SPATA4: variants seen among roughly 807,000 people sequenced by gnomAD.
SPATA4 encodes the protein spermatogenesis associated 4.
In SPATA4, 35 loss-of-function variants were observed where a neutral mutation model predicts 31.8. The observed-to-expected ratio is 1.10, with a 90% CI of 0.84 to 1.46. The LOEUF (loss-of-function observed/expected upper bound fraction) is 1.46. Among genes scored for constraint, SPATA4 ranks in the 40% most tolerant of loss-of-function variants. SPATA4 has a pLI of 0.00. For synonymous variants in SPATA4, 126 were observed against 132.4 expected (o/e 0.95, Z 0.33); for missense variants, 394 against 363.1 (o/e 1.09, Z -0.69).
chr4:176,192,554 A>T, intron 4 of SPATA4, 73 bp downstream of exon 4: 1 of 1,317,444 alleles, frequency 7.6e-7, no homozygotes, highest in African/African-American at 1.5e-5. Flanking sequence ...CAGTGCCGAC[A>T]TTTCTTTCAT....
chr4:176,193,534 G>T lies in SPATA4; in HGVS notation c.267C>A (p.Tyr89Ter). ...AGGATGATAATTCAAGTTCCCAGGGGTAATATATACAGAATATTTCTGCAA... is the reference window on the plus strand; with the variant it reads ...AGGATGATAATTCAAGTTCCCAGGGTTAATATATACAGAATATTTCTGCAA... ...FLIAEIFCIYYPWELELSSFE... is the reference protein window; with the variant it reads ...FLIAEIFCIY Residue 89 changes from tyrosine to a stop codon, truncating the protein, a stop_gained, in exon 2 of 6, where the codon TAC becomes TAA. Coordinates refer to ENST00000280191, the MANE Select transcript of SPATA4 (RefSeq NM_144644.4). LOFTEE classifies it high-confidence loss of function. 6.2e-7 allele frequency: 1 copy of T among 1,613,224 alleles called. No homozygotes were observed. The highest frequency in any genetic ancestry group is 8.5e-7 in the Non-Finnish European group (1 of 1,179,812).
rs894209148 is a variant in SPATA4 at position 176,184,960 on chromosome 4, A to C, written c.806-68T>G. The C allele has an allele frequency of 1.5e-5, 13 of 878,224 alleles. No homozygotes were observed. The African/African-American group carries it at 2.2e-4, about 15-fold the overall frequency. 54.4% of individuals were successfully genotyped at this position (878,224 alleles called of 1,614,324 possible). A position where few individuals can be genotyped will look rare whatever the true frequency, so the allele number is the denominator to read the frequency against. ...ACTAAATATTCATACAAGCATCAAC[A>C]TGTCTAATGTATCAAATATATGCAG... On this transcript the variant is annotated intron_variant, in intron 5 of 5. Transcript: ENST00000280191.
chr4:176,184,931 G>A, intron 5 of SPATA4, 39 bp from the exon 6 acceptor site: 1 of 1,254,376 alleles, frequency 8.0e-7, no homozygotes, highest in South Asian at 1.3e-5. Flanking sequence ...ATCAATTCAT[G>A]GTTACTAAAT....
chr4:176,185,036 G>T, intron 5 of SPATA4, 144 bp from the exon 6 acceptor site: 1 of 488,476 alleles, frequency 2.0e-6, no homozygotes, highest in South Asian at 3.4e-5. Flanking sequence ...TGGTAAACAA[G>T]AATATTTAAA....
intron 1 of SPATA4, chr4:176,194,997 A>C: frequency 4.6e-6 from 1 of 215,142 alleles, no homozygotes; most frequent in Non-Finnish European, 9.6e-6. Context: ...TCGGCTCCCA[A>C]AATGCTGGGA....
chr4:176,189,459 GA>G (rs5864366), intron 4 of SPATA4, among the ~76,000 whole-genome samples: 11 of 144,692 alleles, frequency 7.6e-5, no homozygotes, highest in Non-Finnish European at 1.1e-4. Flanking sequence ...CAGAAAAAGA[GA>G]AAAAAAAAAC....
chr4:176,189,395 TG>T (rs1752492586), intron 4 of SPATA4, among the ~76,000 whole-genome samples: 1 of 150,704 alleles, frequency 6.6e-6, no homozygotes, highest in Non-Finnish European at 1.5e-5. Flanking sequence ...AAAAAATCTT[TG>T]GAAAAAAACT....
At position 176,195,357 on chromosome 4, in the gene SPATA4, C is replaced by G; in HGVS notation, c.206G>C (p.Arg69Thr). 2 of 1,614,076 alleles carry G rather than the reference C, an allele frequency of 1.2e-6. No homozygotes were observed. The highest frequency in any genetic ancestry group is 1.7e-6 in the Non-Finnish European group (2 of 1,180,026). Reference sequence around the variant, plus strand: ...CTTACTCAAGCACCTGTTGATGTTCCTGGGGAAGAAGCTGAGATCCAGACC... The same window carrying G: ...CTTACTCAAGCACCTGTTGATGTTCGTGGGGAAGAAGCTGAGATCCAGACC... ...LQGLDLSFFPRNINRDFSNGF... is the reference protein window; with the variant it reads ...LQGLDLSFFPTNINRDFSNGF... The change falls in exon 1 of 6, where the codon AGG (arginine) becomes ACG (threonine). Residue 69 changes from arginine to threonine, a missense_variant. Arg to Thr is a moderately conservative substitution (Grantham distance 71, BLOSUM62 -1). Coordinates refer to ENST00000280191, the MANE Select transcript of SPATA4 (RefSeq NM_144644.4).
intron 1 of SPATA4, among the ~76,000 whole-genome samples, chr4:176,195,070 G>A (rs1451672851): frequency 6.6e-6 from 1 of 152,108 alleles, no homozygotes; most frequent in Non-Finnish European, 1.5e-5. Flanking sequence ...TATCACTAAA[G>A]AAAAAGCTTT....
intron 5 of SPATA4, among the ~76,000 whole-genome samples, chr4:176,187,552 C>T (rs1161092394): frequency 2.0e-5 from 3 of 151,530 alleles, no homozygotes; most frequent in Non-Finnish European, 2.9e-5. Context: ...TGCAGTGAGC[C>T]GAGATCACAC....
Position 176,192,983 on chromosome 4 carries a change from C to A in SPATA4, c.442G>T (p.Val148Phe). 1.2e-6 allele frequency: 2 copies of A among 1,608,704 alleles called. No homozygotes were observed. The highest frequency in any genetic ancestry group is 8.5e-7 in the Non-Finnish European group (1 of 1,177,900). Residue 148 changes from valine (V) to phenylalanine (F), a missense_variant, in exon 3 of 6, where the codon GTT becomes TTT. Val to Phe is a conservative substitution (Grantham distance 50). Coordinates refer to ENST00000280191, the MANE Select transcript of SPATA4 (RefSeq NM_144644.4). ...AGVPEILIEEVYTLLTHREIK... is the reference protein window; with the variant it reads ...AGVPEILIEEFYTLLTHREIK... ...TCTCGATGTGTTAATAAAGTGTAAA[C>A]CTCTTCTATCAATATTTCAGGCACT...
At chr4:176,189,491 T>G (rs1752496088) in intron 4 of SPATA4, among the ~76,000 whole-genome samples, 1 of 151,206 alleles carries the variant, frequency 6.6e-6, no homozygotes, top group African/African-American at 2.4e-5. Context: ...ATGTTAGATA[T>G]GAATACATAT....
intron 5 of SPATA4, among the ~76,000 whole-genome samples, chr4:176,186,986 A>G (rs547955516): frequency 5.5e-4 from 84 of 152,336 alleles, no homozygotes; most frequent in Non-Finnish European, 1.1e-3. Flanking sequence ...TGGAGAGTAC[A>G]TATTTTAGGC....
At position 176,193,575 on chromosome 4, in the gene SPATA4, A is replaced by G. The variant is rs950991932; in HGVS notation, c.226T>C (p.Ser76Pro). The G allele has an allele frequency of 1.1e-5, 17 of 1,607,306 alleles. No individual in the cohort carries two copies. The highest frequency in any genetic ancestry group is 1.2e-5 in the Non-Finnish European group (14 of 1,178,632). Residue 76 changes from serine to proline, a missense_variant, in exon 2 of 6, where the codon TCA (serine) becomes CCA (proline). By Grantham distance (74) the Ser-to-Pro change is moderately conservative. Transcript: ENST00000280191. ...ATTTCTGCAATTAGGAAGCCATTTG[A>G]AAAATCTCTGATCCGTGGCAATTAG... ...FFPRNINRDF[S>P]NGFLIAEIFC...
chr4:176,190,718 A>G (rs531245230), intron 4 of SPATA4, among the ~76,000 whole-genome samples: 1 of 152,192 alleles, frequency 6.6e-6, no homozygotes, highest in Non-Finnish European at 1.5e-5. Flanking sequence ...CCTTGTAGCA[A>G]TAGCAGGTTG....
At chr4:176,188,772 TTAAC>T (rs1370369893) in intron 4 of SPATA4, among the ~76,000 whole-genome samples, 1 of 152,242 alleles carries the variant, frequency 6.6e-6, no homozygotes, top group Non-Finnish European at 1.5e-5. Flanking sequence ...ATATTTCTTT[TTAAC>T]TAATCCTGTA....
intron 4 of SPATA4, among the ~76,000 whole-genome samples, chr4:176,189,925 A>G (rs1752501551): frequency 6.6e-6 from 1 of 152,152 alleles, no homozygotes; most frequent in Non-Finnish European, 1.5e-5. Context: ...TCTCTGAGTG[A>G]GCAATTCCTG....
chr4:176,191,595 A>G (rs1752533973), intron 4 of SPATA4, among the ~76,000 whole-genome samples: 2 of 152,248 alleles, frequency 1.3e-5, no homozygotes, highest in African/African-American at 4.8e-5. Context: ...TACATTATAT[A>G]CGTGCATGTG....
Position 176,192,585 on chromosome 4 carries a change from A to C in SPATA4, c.688+42T>G, listed in dbSNP as rs771572423. On this transcript the variant is annotated intron_variant, in intron 4 of 5. Coordinates refer to ENST00000280191, the MANE Select transcript of SPATA4 (RefSeq NM_144644.4). Reference sequence around the variant, plus strand: ...TTCATCTGTGCTCAAGAATAGCCTGATAGAGCTTGGAAGAACTCAGCTGTT... The same window carrying C: ...TTCATCTGTGCTCAAGAATAGCCTGCTAGAGCTTGGAAGAACTCAGCTGTT... 8 of 1,534,212 alleles carry C rather than the reference A, an allele frequency of 5.2e-6. No individual in the cohort carries two copies. In the South Asian group the frequency reaches 7.9e-5, roughly 15 times the overall value.
Sources: allele counts gnomAD v4.1 joint callset (sites outside exome capture counted in the v4.1 genomes callset), GRCh38; gene constraint gnomAD v4.1.1; transcripts MANE v1.5; gene names NCBI Gene and HGNC (gene_info 2026-07-23, HGNC 2026-07-21).